PRKCE: variants seen among roughly 807,000 people sequenced by gnomAD.
The protein encoded by PRKCE is protein kinase C epsilon.
In PRKCE, 16 loss-of-function variants were observed where a neutral mutation model predicts 85.4. The observed-to-expected ratio is 0.19, with a 90% confidence interval of 0.13 to 0.28. PRKCE has a LOEUF of 0.28. Ranked by LOEUF, PRKCE falls within the 10% of genes least tolerant of loss-of-function variation. The pLI is 1.00. For missense variants in PRKCE, 573 were observed against 975.2 expected (o/e 0.59, Z 5.49); for synonymous variants, 388 against 371.5 (o/e 1.04, Z -0.51).
chr2:46,128,262 A>G (rs112017598), intron 11 of PRKCE, among the ~76,000 whole-genome samples: 3 of 152,324 alleles, frequency 2.0e-5, no homozygotes, highest in African/African-American at 7.2e-5. Flanking sequence ...ATCTGTTTAC[A>G]TGACAGTGAT....
chr2:46,158,725 C>T lies in PRKCE; in HGVS notation c.1921-881C>T, dbSNP rs556671454. Among the ~76,000 whole-genome samples the T allele has an allele frequency of 7.2e-4, 110 of 152,326 alleles. 3 individuals carry two copies. In the South Asian group the frequency reaches 0.022, roughly 30 times the overall value. ...CACTATGAAATGTGACATTTTGTCT[C>T]TAACACTCATGCACATACAATACAT... On this transcript the variant is annotated intron_variant, in intron 13 of 14. Transcript: ENST00000306156.
chr2:45,821,685 C>A lies in PRKCE; in HGVS notation c.349-21315C>A, dbSNP rs561467140. On this transcript the variant is annotated intron_variant, in intron 1 of 14. Transcript: ENST00000306156. ...AGGGGAGCCCGGCCTGAGCATTGGGCACTGGTGGTGGTAAATAAGGTATGA... is the reference window on the plus strand; with the variant it reads ...AGGGGAGCCCGGCCTGAGCATTGGGAACTGGTGGTGGTAAATAAGGTATGA... 7.2e-5 allele frequency among the ~76,000 whole-genome samples: 11 copies of A among 152,160 alleles called. No homozygotes were observed. In the South Asian group the frequency reaches 2.3e-3, roughly 32 times the overall value.
In PRKCE at chr2:45,892,435, T is replaced by C. The variant is rs573537822; in HGVS notation, c.412+49372T>C. Among the ~76,000 whole-genome samples the C allele has an allele frequency of 2.0e-5, 3 of 152,084 alleles. No homozygotes were observed. In the East Asian group the frequency reaches 5.8e-4, roughly 29 times the overall value. ...TAAGAGAGCAGAAGAAAAAAATAAC[T>C]AGGAACAGGAAAAGTGAAGTGCATA... On this transcript the variant is annotated intron_variant, in intron 2 of 14. Transcript: ENST00000306156.
intron 10 of PRKCE, among the ~76,000 whole-genome samples, chr2:46,022,729 A>C (rs1212093892): frequency 1.3e-5 from 2 of 152,390 alleles, no homozygotes; most frequent in Non-Finnish European, 2.9e-5. Context: ...AAAGTACAGC[A>C]TAGTTTCTAG....
intron 1 of PRKCE, among the ~76,000 whole-genome samples, chr2:45,771,702 C>CGTGTGTGTGTGTGT (rs61209033): frequency 1.9e-4 from 28 of 146,918 alleles, no homozygotes; most frequent in South Asian, 6.6e-4. Context: ...CAGAGTGGGG[C>CGTGTGTGTGTGTGT]GTGTGTGTGT....
At chr2:45,959,524 C>T (rs1169491376) in intron 2 of PRKCE, among the ~76,000 whole-genome samples, 1 of 152,116 alleles carries the variant, frequency 6.6e-6, no homozygotes, top group African/African-American at 2.4e-5. Flanking sequence ...TAATTTCAAT[C>T]TTTGTGGCCT....
chr2:45,709,890 A>G (rs1357735604), intron 1 of PRKCE, among the ~76,000 whole-genome samples: 1 of 151,948 alleles, frequency 6.6e-6, no homozygotes, highest in Non-Finnish European at 1.5e-5. Flanking sequence ...GCTCACTGCA[A>G]CCTCCACCTC....
intron 1 of PRKCE, among the ~76,000 whole-genome samples, chr2:45,721,646 G>C (rs1346623415): frequency 6.6e-6 from 1 of 152,132 alleles, no homozygotes; most frequent in Non-Finnish European, 1.5e-5. Flanking sequence ...CTGAGGCTGA[G>C]GCAGAAGGAT....
intron 10 of PRKCE, among the ~76,000 whole-genome samples, chr2:46,082,837 C>T (rs1240378802): frequency 5.3e-5 from 8 of 152,216 alleles, no homozygotes; most frequent in Non-Finnish European, 1.0e-4. Context: ...ATAATAACTG[C>T]TGGAATAGCA....
chr2:46,147,947 C>G (rs1676247701), intron 12 of PRKCE, among the ~76,000 whole-genome samples: 1 of 152,228 alleles, frequency 6.6e-6, no homozygotes. Context: ...CCCTACCTAC[C>G]TCATCAAGCT....
rs1045118035 is a variant in PRKCE, at chr2:46,184,954, C to G, written c.*73C>G. The G allele has an allele frequency of 8.3e-6, 13 of 1,563,470 alleles. No individual in the cohort carries two copies. The African/African-American group carries it at 1.8e-4, about 21-fold the overall frequency. On this transcript the variant is annotated 3_prime_UTR_variant, in exon 15 of 15. Transcript: ENST00000306156. This position sits in a 1 kb window ranked among gnomAD's most constrained non-coding sequence, Gnocchi z 5.0. Reference sequence around the variant, plus strand: ...AGAAGACTCCTGTGTTGGAGACACTCAGCAGGTCTTGAACTACTTCTCCTC... The same window carrying G: ...AGAAGACTCCTGTGTTGGAGACACTGAGCAGGTCTTGAACTACTTCTCCTC...
intron 13 of PRKCE, among the ~76,000 whole-genome samples, chr2:46,152,766 T>C (rs1676775513): frequency 6.6e-6 from 1 of 151,854 alleles, no homozygotes; most frequent in Non-Finnish European, 1.5e-5. Flanking sequence ...CCAGGCTGGT[T>C]CCGAACTCCT....
intron 1 of PRKCE, among the ~76,000 whole-genome samples, chr2:45,656,016 C>T (rs1407261703): frequency 1.3e-5 from 2 of 152,122 alleles, no homozygotes; most frequent in Non-Finnish European, 2.9e-5. Flanking sequence ...GCAGACAATC[C>T]TGTAGTCAGG....
chr2:45,809,096 T>A (rs1305682968), intron 1 of PRKCE, among the ~76,000 whole-genome samples: 1 of 152,172 alleles, frequency 6.6e-6, no homozygotes, highest in Non-Finnish European at 1.5e-5. Context: ...GCCTTGGGCT[T>A]GGTGCATTCT....
chr2:46,134,839 A>G (rs1674798402), intron 11 of PRKCE, among the ~76,000 whole-genome samples: 1 of 152,256 alleles, frequency 6.6e-6, no homozygotes, highest in Admixed American at 6.5e-5. Flanking sequence ...TCGTCAGGCT[A>G]GCTCACCCAC....
intron 2 of PRKCE, among the ~76,000 whole-genome samples, chr2:45,904,666 A>T (rs1696837922): frequency 6.6e-6 from 1 of 152,108 alleles, no homozygotes; most frequent in South Asian, 2.1e-4. Flanking sequence ...GTGCTCGGGG[A>T]TCTCACCAGG....
intron 11 of PRKCE, among the ~76,000 whole-genome samples, chr2:46,097,723 A>C (rs1488317088): frequency 6.6e-6 from 1 of 152,302 alleles, no homozygotes; most frequent in East Asian, 1.9e-4. Flanking sequence ...ATATAGATGA[A>C]GAGCTTGTCC....
chr2:45,864,209 C>T (rs1191623907), intron 2 of PRKCE, among the ~76,000 whole-genome samples: 1 of 152,156 alleles, frequency 6.6e-6, no homozygotes, highest in African/African-American at 2.4e-5. Context: ...ACATCAGTCC[C>T]ATTGGCCTAG....
In PRKCE at chr2:45,721,368, A is replaced by T. The variant is rs139314652; in HGVS notation, c.348+68920A>T. 5.3e-3 allele frequency among the ~76,000 whole-genome samples: 814 copies of T among 152,298 alleles called. 9 individuals are homozygous for T. Among genetic ancestry groups the T allele is most frequent in the African/African-American group, 0.018 (761 of 41,552 alleles). ...AACACAAGTTACATAACCCAGGACA[A>T]TAGTGCAGGGGATGTCACCAGGCAG... On this transcript the variant is annotated intron_variant, in intron 1 of 14. Transcript: ENST00000306156.
Sources: allele counts gnomAD v4.1 joint callset (sites outside exome capture counted in the v4.1 genomes callset), GRCh38; gene constraint gnomAD v4.1.1; non-coding constraint Gnocchi (gnomAD v3.1); transcripts MANE v1.5; gene names NCBI Gene and HGNC (gene_info 2026-07-23, HGNC 2026-07-21).